Variants in WBP2NL observed in about 807,000 individuals in gnomAD.
WBP2NL encodes the protein WBP2 N-terminal like, also known as postacrosomal sheath WW domain-binding protein.
A neutral mutation model predicts 23.3 loss-of-function variants in WBP2NL; 27 were observed. The observed-to-expected ratio is 1.16, with a 90% CI of 0.85 to 1.60. The LOEUF is 1.60. Ranked by LOEUF, WBP2NL falls within the 40% of genes most tolerant of loss-of-function variation. The pLI is 0.00. For missense variants in WBP2NL, 370 were observed against 389.5 expected (o/e 0.95, Z 0.42); for synonymous variants, 151 against 145.9 (o/e 1.03, Z -0.25).
intron 1 of WBP2NL, 149 bp downstream of exon 1, chr22:41,999,029 C>A: frequency 1.1e-6 from 1 of 948,812 alleles, no homozygotes; most frequent in Non-Finnish European, 1.5e-6. Flanking sequence ...TGGGAGCGCG[C>A]GCCCCTCACT....
chr22:42,050,110 GT>G (rs1373343847), intron 8 of WBP2NL, among the ~76,000 whole-genome samples: 7 of 152,054 alleles, frequency 4.6e-5, no homozygotes, highest in Non-Finnish European at 7.4e-5. Context: ...CTTGAGGCCA[GT>G]TTAAGACCAG....
In WBP2NL at chr22:42,019,657, C is replaced by T. The variant is rs749525788; in HGVS notation, c.172-5C>T. 3.6e-5 allele frequency: 58 copies of T among 1,613,890 alleles called. No homozygotes were observed. The Middle Eastern group carries it at 8.2e-4, about 23-fold the overall frequency. ...TCCTTTTCCAAAGTTTCTGTCCTTG[C>T]GTAGGTGATTTTCATAACTTCATGC... On this transcript the variant is annotated splice_region_variant and splice_polypyrimidine_tract_variant and intron_variant, in intron 2 of 5. Transcript: ENST00000328823.
At position 42,046,153 on chromosome 22, in the gene WBP2NL, A is replaced by G. The variant is rs79545511; in HGVS notation, c.*274-12137A>G. Among the ~76,000 whole-genome samples, 511 of 152,364 alleles carry G rather than the reference A, an allele frequency of 3.4e-3. 24 individuals are homozygous for G. The East Asian group carries it at 0.095, about 28-fold the overall frequency. ...CATTTAACCTTCTTTGTTCTAAAACAAACAAAAACCAAAGGGCACTGGTTG... is the reference window on the plus strand; with the variant it reads ...CATTTAACCTTCTTTGTTCTAAAACGAACAAAAACCAAAGGGCACTGGTTG... On this transcript the variant is annotated intron_variant and NMD_transcript_variant, in intron 8 of 8. Coordinates refer to the WBP2NL transcript ENST00000436265.
At chr22:42,022,866 A>G (rs1924102507) in intron 5 of WBP2NL, among the ~76,000 whole-genome samples, 1 of 152,198 alleles carries the variant, frequency 6.6e-6, no homozygotes, top group Non-Finnish European at 1.5e-5. Context: ...GCCAACACAC[A>G]CAAAAATATG....
downstream of WBP2NL, chr22:42,032,476 T>C: frequency 4.5e-6 from 1 of 224,210 alleles, no homozygotes; most frequent in South Asian, 5.9e-5. Context: ...AGGATTTGGG[T>C]TTACCCAAAA....
chr22:42,009,194 T>A (rs1343735150), intron 1 of WBP2NL, among the ~76,000 whole-genome samples: 2 of 152,302 alleles, frequency 1.3e-5, no homozygotes, highest in Middle Eastern at 3.4e-3. Flanking sequence ...TACAGGGAGC[T>A]CTTTACATAC....
At chr22:42,000,029 C>A (rs956059307) in intron 1 of WBP2NL, among the ~76,000 whole-genome samples, 1 of 152,198 alleles carries the variant, frequency 6.6e-6, no homozygotes, top group African/African-American at 2.4e-5. Context: ...TCAGTCTCCC[C>A]CGCTGTGCAG....
chr22:42,049,460 G>A (rs1436972752), intron 8 of WBP2NL, among the ~76,000 whole-genome samples: 1 of 152,114 alleles, frequency 6.6e-6, no homozygotes, highest in East Asian at 1.9e-4. Flanking sequence ...GGAGGCCAAG[G>A]TGGGTGGATC....
At chr22:42,019,473 G>A (rs1344450505) in intron 2 of WBP2NL, 54 bp downstream of exon 2, 10 of 1,577,824 alleles carry the variant, frequency 6.3e-6, no homozygotes, top group Non-Finnish European at 8.6e-6. Flanking sequence ...TGTTTTCCTT[G>A]AAATGAAGAA....
chr22:42,025,277 A>G lies in WBP2NL; in HGVS notation c.515-1489A>G, dbSNP rs550515389. ...CTCTTATATCAAGCTTGTCCAACCC[A>G]TGGCCCAGGATGGCTTTGAATGCAG... On this transcript the variant is annotated intron_variant, in intron 5 of 5. Transcript: ENST00000328823. Among the ~76,000 whole-genome samples, 11 of 152,326 alleles carry G rather than the reference A, an allele frequency of 7.2e-5. 1 individual carries two copies. The South Asian group carries it at 2.3e-3, about 32-fold the overall frequency.
At chr22:42,038,940 CTGT>C (rs555632894) in intron 8 of WBP2NL, among the ~76,000 whole-genome samples, 79 of 151,706 alleles carry the variant, frequency 5.2e-4, no homozygotes, top group African/African-American at 1.9e-3. Flanking sequence ...GGGTCTTACT[CTGT>C]TGCCTAGGCT....
At chr22:42,036,383 C>G (rs1418024437), downstream of WBP2NL, among the ~76,000 whole-genome samples, 1 of 152,170 alleles carries the variant, frequency 6.6e-6, no homozygotes, top group Non-Finnish European at 1.5e-5. Context: ...AGCATGTTAG[C>G]CAGGATGGTC....
chr22:42,026,013 T>C (rs1379271440), intron 5 of WBP2NL, among the ~76,000 whole-genome samples: 1 of 152,170 alleles, frequency 6.6e-6, no homozygotes, highest in African/African-American at 2.4e-5. Context: ...GGCTCACGCC[T>C]GTAATCCCAG....
At chr22:42,056,635 C>T (rs1926042048) in intron 8 of WBP2NL, among the ~76,000 whole-genome samples, 1 of 152,070 alleles carries the variant, frequency 6.6e-6, no homozygotes, top group Admixed American at 6.6e-5. Flanking sequence ...GATAGTTTGG[C>T]CAAATAACAA....
intron 8 of WBP2NL, among the ~76,000 whole-genome samples, chr22:42,047,867 C>A (rs1327736457): frequency 6.6e-6 from 1 of 151,450 alleles, no homozygotes; most frequent in African/African-American, 2.4e-5. Context: ...GTGGTCCGCC[C>A]AATCTCGGCC....
chr22:41,998,961 A>C lies in WBP2NL; in HGVS notation c.62+81A>C, dbSNP rs1376768237. 2.7e-6 allele frequency: 4 copies of C among 1,480,818 alleles called. No individual in the cohort carries two copies. In the African/African-American group the frequency reaches 4.3e-5, roughly 16 times the overall value. The allele number at this position is 1,480,818 out of a possible 1,614,324, so 91.7% of individuals were successfully genotyped here. A position where few individuals can be genotyped will look rare whatever the true frequency, so the allele number is the denominator to read the frequency against. ...CATGGCGGCTCGCAAACTCTCAGCG[A>C]GTCAGGGACTTTGCCGCCTTTTTTG... On this transcript the variant is annotated intron_variant, in intron 1 of 5. Transcript: ENST00000328823.
At chr22:42,044,928 C>T (rs1247092229) in intron 8 of WBP2NL, among the ~76,000 whole-genome samples, 1 of 152,058 alleles carries the variant, frequency 6.6e-6, no homozygotes, top group Non-Finnish European at 1.5e-5. Context: ...ATCGTCCTGC[C>T]TCAGCCTCCT....
intron 8 of WBP2NL, among the ~76,000 whole-genome samples, chr22:42,050,303 C>T (rs909004176): frequency 5.3e-5 from 8 of 151,510 alleles, no homozygotes; most frequent in East Asian, 1.9e-4. Flanking sequence ...TAAAAACAAA[C>T]GAAAAATCCA....
intron 8 of WBP2NL, among the ~76,000 whole-genome samples, chr22:42,049,000 G>C (rs1024594563): frequency 1.3e-5 from 2 of 152,042 alleles, no homozygotes; most frequent in Non-Finnish European, 2.9e-5. Context: ...GATAAGGAAA[G>C]GAAATAAAAG....
Sources: gnomAD v4.1 joint callset for allele counts (sites outside exome capture counted in the v4.1 genomes callset) on GRCh38, gnomAD v4.1.1 for gene constraint, MANE v1.5 for transcripts, NCBI Gene and HGNC (gene_info 2026-07-23, HGNC 2026-07-21) for gene names.